The following ESRRB variants were observed in gnomAD, a reference collection of about 807,000 sequenced individuals.
ESRRB encodes the protein steroid hormone receptor ERR2.
A neutral mutation model predicts 46.0 loss-of-function variants in ESRRB; 16 were observed. That is an observed-to-expected ratio of 0.35 (90% confidence interval 0.24 to 0.53). The LOEUF (loss-of-function observed/expected upper bound fraction) is 0.53. Ranked by LOEUF, ESRRB falls within the 20% of genes least tolerant of loss-of-function variation. ESRRB has a pLI of 0.93. For missense variants in ESRRB, 488 were observed against 607.4 expected (o/e 0.80, Z 2.07); for synonymous variants, 246 against 259.6 (o/e 0.95, Z 0.50).
At position 76,491,708 on chromosome 14, in the gene ESRRB, C is replaced by T. The variant is rs768879111; in HGVS notation, c.1112C>T (p.Ala371Val). 2.5e-6 allele frequency: 4 copies of T among 1,579,982 alleles called. No homozygotes were observed. The highest frequency in any genetic ancestry group is 4.6e-5 in the East Asian group (2 of 43,926). ...GTGACGCTCAAGGCCCTGGCCCTCG[C>T]CAACTCCGGTAAGGGCGGCGGCGGG... Reference protein sequence around the residue: ...EFVTLKALALANSDSMYIEDL... With the variant: ...EFVTLKALALVNSDSMYIEDL... The change falls in exon 6 of 7, where the codon GCC becomes GTC. Residue 371 changes from alanine to valine, a missense_variant. Transcript: ENST00000644823.
At chr14:76,480,336 C>G (rs1487426558) in intron 3 of ESRRB, among the ~76,000 whole-genome samples, 1 of 152,180 alleles carries the variant, frequency 6.6e-6, no homozygotes, top group African/African-American at 2.4e-5. Flanking sequence ...CATCCTTGCC[C>G]TCCAGGGCTG....
At chr14:76,469,054 G>T (rs1208133082) in intron 3 of ESRRB, among the ~76,000 whole-genome samples, 2 of 151,972 alleles carry the variant, frequency 1.3e-5, no homozygotes, top group Non-Finnish European at 2.9e-5. Flanking sequence ...GCCCTTCTGT[G>T]CTCTGAATCG....
chr14:76,457,476 G>A (rs1318344088), intron 2 of ESRRB, among the ~76,000 whole-genome samples: 4 of 147,730 alleles, frequency 2.7e-5, no homozygotes, highest in African/African-American at 1.0e-4. Flanking sequence ...TTTCTCATCA[G>A]TTATCGTTAG....
intron 1 of ESRRB, among the ~76,000 whole-genome samples, chr14:76,377,496 G>T (rs910146317): frequency 3.3e-5 from 5 of 152,100 alleles, no homozygotes; most frequent in African/African-American, 1.2e-4. Context: ...GTGCAAAGTG[G>T]TCCCTCGGAA....
chr14:76,413,661 C>T (rs1306522578), intron 1 of ESRRB, among the ~76,000 whole-genome samples: 1 of 152,166 alleles, frequency 6.6e-6, no homozygotes, highest in Non-Finnish European at 1.5e-5. Flanking sequence ...TCATTGATCA[C>T]TTATTTGTAT....
intron 3 of ESRRB, among the ~76,000 whole-genome samples, chr14:76,473,976 CAGCCTGGTGACG>C (rs1889474763): frequency 6.6e-6 from 1 of 152,342 alleles, no homozygotes; most frequent in African/African-American, 2.4e-5. Context: ...CGAGGGGCAC[CAGCCTGGTGACG>C]AGGCCGGTGG....
intron 1 of ESRRB, among the ~76,000 whole-genome samples, chr14:76,359,384 TA>T (rs1252721909): frequency 6.6e-6 from 1 of 152,210 alleles, no homozygotes; most frequent in Admixed American, 6.5e-5. Context: ...CTGCCTTTTA[TA>T]GGGGTGAAAA....
chr14:76,471,290 A>C (rs1038962487), intron 3 of ESRRB, among the ~76,000 whole-genome samples: 1 of 152,126 alleles, frequency 6.6e-6, no homozygotes, highest in African/African-American at 2.4e-5. Context: ...TCCTAACTGG[A>C]CTTCTGATTC....
intron 1 of ESRRB, among the ~76,000 whole-genome samples, chr14:76,436,954 C>T (rs762744499): frequency 6.6e-6 from 1 of 152,114 alleles, no homozygotes; most frequent in Non-Finnish European, 1.5e-5. Context: ...TCTGTAGCTC[C>T]CAGCTTCTGG....
chr14:76,409,013 G>C (rs953858744), intron 1 of ESRRB, among the ~76,000 whole-genome samples: 2 of 152,168 alleles, frequency 1.3e-5, no homozygotes, highest in Non-Finnish European at 2.9e-5. Flanking sequence ...TGCAGGTAGT[G>C]AGTGGCAGAG....
chr14:76,435,460 C>A (rs191662702), intron 1 of ESRRB, among the ~76,000 whole-genome samples: 3 of 152,324 alleles, frequency 2.0e-5, no homozygotes, highest in South Asian at 2.1e-4. Context: ...CTGGCCAGCA[C>A]TTGGCACATA....
intron 2 of ESRRB, among the ~76,000 whole-genome samples, chr14:76,457,291 A>G (rs1366595316): frequency 6.6e-6 from 1 of 152,134 alleles, no homozygotes; most frequent in Non-Finnish European, 1.5e-5. Flanking sequence ...GTTCTCAAAT[A>G]TCACAGTTGG....
At chr14:76,389,221 G>T (rs916768198) in intron 1 of ESRRB, among the ~76,000 whole-genome samples, 4 of 152,128 alleles carry the variant, frequency 2.6e-5, no homozygotes, top group African/African-American at 7.2e-5. Context: ...CCCTGCTCAG[G>T]TATCCCCCTC....
intron 2 of ESRRB, among the ~76,000 whole-genome samples, chr14:76,450,281 A>C (rs1347749319): frequency 6.6e-6 from 1 of 152,164 alleles, no homozygotes; most frequent in Non-Finnish European, 1.5e-5. Flanking sequence ...TCAGGACAGC[A>C]GGAGGGCCAA....
intron 2 of ESRRB, among the ~76,000 whole-genome samples, chr14:76,448,319 T>C (rs1053925594): frequency 6.7e-6 from 1 of 149,404 alleles, no homozygotes; most frequent in Admixed American, 6.8e-5. Context: ...CAGGGTTACA[T>C]TTACTTACCT....
In ESRRB at chr14:76,391,412, G is replaced by T. The variant is rs57678628; in HGVS notation, c.50+14961G>T. Among the ~76,000 whole-genome samples, 521 of 152,332 alleles carry T rather than the reference G, an allele frequency of 3.4e-3. 3 individuals are homozygous for T. Among genetic ancestry groups the T allele is most frequent in the African/African-American group, 0.012 (506 of 41,574 alleles). ...ACAGTTCCCAGCCCAGCCCTTTTCC[G>T]ATGGCAAGTGCACTACAAGCCCACA... is the stretch of plus-strand genomic sequence containing the variant. On this transcript the variant is annotated intron_variant, in intron 1 of 6. Coordinates refer to ENST00000644823, the MANE Select transcript of ESRRB (RefSeq NM_001379180.1).
chr14:76,349,487 G>A (rs1387663262), intron 1 of ESRRB, among the ~76,000 whole-genome samples: 1 of 152,186 alleles, frequency 6.6e-6, no homozygotes, highest in Non-Finnish European at 1.5e-5. Flanking sequence ...ACCCAAGAAG[G>A]TGTGGCCTCC....
intron 6 of ESRRB, among the ~76,000 whole-genome samples, chr14:76,497,056 C>T (rs1396127798): frequency 2.0e-5 from 3 of 151,940 alleles, no homozygotes; most frequent in Non-Finnish European, 4.4e-5. Flanking sequence ...TGGGGAGAGT[C>T]GGGGGAGGAT....
intron 1 of ESRRB, among the ~76,000 whole-genome samples, chr14:76,336,974 C>G (rs1373833532): frequency 6.6e-6 from 1 of 152,104 alleles, no homozygotes; most frequent in East Asian, 1.9e-4. Flanking sequence ...CCGCCCTTCA[C>G]TATCCCTGCA....
Sources: gnomAD v4.1 joint callset for allele counts (sites outside exome capture counted in the v4.1 genomes callset) on GRCh38, gnomAD v4.1.1 for gene constraint, MANE v1.5 for transcripts, NCBI Gene and HGNC (gene_info 2026-07-23, HGNC 2026-07-21) for gene names.